The following NCK2 variants were observed in gnomAD, a reference collection of about 807,000 sequenced individuals.
NCK2 encodes cytoplasmic protein NCK2.
Under a neutral mutation model 33.9 loss-of-function variants are expected in NCK2, and 16 were observed. That is an observed-to-expected ratio of 0.47 (90% CI 0.32 to 0.72). The LOEUF (loss-of-function observed/expected upper bound fraction) is 0.72, where lower values mean the gene tolerates loss of function less well. Among genes scored for constraint, NCK2 ranks in the 30% least tolerant of loss-of-function variants. The pLI is 0.03. For synonymous variants in NCK2, 273 were observed against 239.9 expected (o/e 1.14, Z -1.27); for missense variants, 418 against 537.3 (o/e 0.78, Z 2.19).
At chr2:105,880,936 A>ATTTTTTTTTTTTTTTTTTTTTT (rs59005322) in intron 3 of NCK2, among the ~76,000 whole-genome samples, 3 of 103,540 alleles carry the variant, frequency 2.9e-5, no homozygotes, top group Non-Finnish European at 5.8e-5. Flanking sequence ...CAGGTGGCTA[A>ATTTTTTTTTTTTTTTTTTTTTT]TTTTTTTTTT....
chr2:105,757,676 C>A (rs1227756426), intron 1 of NCK2, among the ~76,000 whole-genome samples: 4 of 152,216 alleles, frequency 2.6e-5, no homozygotes, highest in Non-Finnish European at 5.9e-5. Context: ...GGAGATCTTA[C>A]AAGCTCACAG....
At chr2:105,806,907 A>G (rs1486095159) in intron 1 of NCK2, among the ~76,000 whole-genome samples, 1 of 152,120 alleles carries the variant, frequency 6.6e-6, no homozygotes, top group Non-Finnish European at 1.5e-5. Flanking sequence ...TTTGTTCTCT[A>G]CACTTGCAGG....
At chr2:105,768,257 C>T (rs576328892) in intron 1 of NCK2, among the ~76,000 whole-genome samples, 1 of 152,374 alleles carries the variant, frequency 6.6e-6, no homozygotes, top group Admixed American at 6.5e-5. Context: ...GGACTCACCA[C>T]CCCTTGAGTG....
intron 3 of NCK2, among the ~76,000 whole-genome samples, chr2:105,869,544 T>G (rs1677908544): frequency 6.6e-6 from 1 of 152,224 alleles, no homozygotes; most frequent in Non-Finnish European, 1.5e-5. Flanking sequence ...CGGCTGTGTC[T>G]TTGCCAACCA....
At chr2:105,795,207 C>T (rs62152201) in intron 1 of NCK2, among the ~76,000 whole-genome samples, 32,963 of 152,042 alleles carry the variant, frequency 0.22, 3,882 homozygotes, top group Middle Eastern at 0.33. Context: ...TCACTCTTTG[C>T]GTTGTGCATT....
intron 1 of NCK2, among the ~76,000 whole-genome samples, chr2:105,773,340 C>A (rs1206334276): frequency 1.3e-5 from 2 of 152,100 alleles, no homozygotes; most frequent in East Asian, 3.9e-4. Context: ...CCGCTTGAGG[C>A]AGACCTGTCT....
At chr2:105,772,107 C>T (rs927639892) in intron 1 of NCK2, among the ~76,000 whole-genome samples, 4 of 150,464 alleles carry the variant, frequency 2.7e-5, no homozygotes, top group Non-Finnish European at 6.0e-5. Context: ...TGAAGGATGG[C>T]GGAGGGGGTA....
chr2:105,762,829 G>A lies in NCK2; in HGVS notation c.-201+17691G>A, dbSNP rs562864866. Among the ~76,000 whole-genome samples the A allele has an allele frequency of 1.8e-4, 27 of 152,300 alleles. No homozygotes were observed. In the South Asian group the frequency reaches 4.8e-3, roughly 27 times the overall value. ...AATAAGGAAATACGTAGATTACTAT[G>A]TCTCAAGTTTGTTTTTAAGTAATAT... On this transcript the variant is annotated intron_variant, in intron 1 of 4. Coordinates refer to ENST00000233154, the MANE Select transcript of NCK2 (RefSeq NM_003581.5).
intron 1 of NCK2, among the ~76,000 whole-genome samples, chr2:105,812,031 G>C (rs963122543): frequency 2.6e-5 from 4 of 152,124 alleles, no homozygotes; most frequent in African/African-American, 9.7e-5. Flanking sequence ...AATTAGTTCT[G>C]TTTTTTCCCT....
intron 2 of NCK2, among the ~76,000 whole-genome samples, chr2:105,824,673 G>A (rs1483280019): frequency 6.6e-6 from 1 of 152,198 alleles, no homozygotes; most frequent in Non-Finnish European, 1.5e-5. Flanking sequence ...TCACTGGGGC[G>A]TGCTCATGTG....
chr2:105,844,386 A>C (rs1187273000), intron 2 of NCK2, among the ~76,000 whole-genome samples: 1 of 152,120 alleles, frequency 6.6e-6, no homozygotes, highest in Non-Finnish European at 1.5e-5. Flanking sequence ...TGCTTATCAT[A>C]CTAATGTAAT....
At chr2:105,869,705 C>T (rs1032896746) in intron 3 of NCK2, among the ~76,000 whole-genome samples, 5 of 152,130 alleles carry the variant, frequency 3.3e-5, no homozygotes, top group African/African-American at 1.2e-4. Context: ...TCCAGAATGC[C>T]GTGTCTCATC....
At chr2:105,797,689 T>C (rs145634697) in intron 1 of NCK2, among the ~76,000 whole-genome samples, 102 of 152,352 alleles carry the variant, frequency 6.7e-4, no homozygotes, top group African/African-American at 2.4e-3. Flanking sequence ...GGAGCCTCCC[T>C]GTTTAGGCTT....
chr2:105,880,888 T>C (rs1301089377), intron 3 of NCK2, among the ~76,000 whole-genome samples: 1 of 147,434 alleles, frequency 6.8e-6, no homozygotes, highest in African/African-American at 2.5e-5. Context: ...TCCTCCCACC[T>C]CAGCCTCTCC....
intron 1 of NCK2, among the ~76,000 whole-genome samples, chr2:105,785,873 A>G (rs1690661930): frequency 6.6e-6 from 1 of 152,200 alleles, no homozygotes; most frequent in South Asian, 2.1e-4. Flanking sequence ...TAAATACGAT[A>G]TCTAGTAGCA....
chr2:105,790,429 G>A (rs1690839582), intron 1 of NCK2, among the ~76,000 whole-genome samples: 1 of 152,250 alleles, frequency 6.6e-6, no homozygotes, highest in South Asian at 2.1e-4. Flanking sequence ...CTGGGCAGCA[G>A]GAGAGTCTGT....
chr2:105,803,325 A>G (rs1352715678), intron 1 of NCK2, among the ~76,000 whole-genome samples: 1 of 152,242 alleles, frequency 6.6e-6, no homozygotes, highest in African/African-American at 2.4e-5. Flanking sequence ...TGCAGCAGAT[A>G]TCATAAATAG....
intron 1 of NCK2, among the ~76,000 whole-genome samples, chr2:105,787,945 AG>A (rs1436646614): frequency 6.6e-6 from 1 of 151,674 alleles, no homozygotes; most frequent in Non-Finnish European, 1.5e-5. Flanking sequence ...CATTGGCAGA[AG>A]TGAGTAGACC....
At position 105,818,921 on chromosome 2, in the gene NCK2, A is replaced by G. The variant is rs549871580; in HGVS notation, c.-17+2308A>G. 9.8e-5 allele frequency among the ~76,000 whole-genome samples: 15 copies of G among 152,306 alleles called. No homozygotes were observed. In the East Asian group the frequency reaches 1.9e-3, roughly 20 times the overall value. The stretch of plus-strand genomic sequence containing the variant: ...AGAAAAATCTCTTGGAACCTTTTCA[A>G]TTTCAGTTATGCCCCTTTGATGTGT... On this transcript the variant is annotated intron_variant, in intron 2 of 4. Coordinates refer to ENST00000233154, the MANE Select transcript of NCK2 (RefSeq NM_003581.5).
Sources: gnomAD v4.1 joint callset for allele counts (sites outside exome capture counted in the v4.1 genomes callset) on GRCh38, gnomAD v4.1.1 for gene constraint, MANE v1.5 for transcripts, NCBI Gene and HGNC (gene_info 2026-07-23, HGNC 2026-07-21) for gene names.